The following PRLHR variants were observed in gnomAD, a reference collection of about 807,000 sequenced individuals.
PRLHR encodes prolactin-releasing peptide receptor.
Under a neutral mutation model 9.3 loss-of-function variants are expected in PRLHR, and 10 were observed. The observed-to-expected ratio is 1.08, with a 90% confidence interval of 0.66 to 1.82. The LOEUF (loss-of-function observed/expected upper bound fraction) is 1.82. Among genes scored for constraint, PRLHR ranks in the 40% most tolerant of loss-of-function variants. The pLI, the probability that PRLHR is intolerant of heterozygous loss-of-function variation, is 0.00. For missense variants in PRLHR, 589 were observed against 512.0 expected (o/e 1.15, Z -1.45); for synonymous variants, 261 against 249.3 (o/e 1.05, Z -0.44).
At chr10:118,595,338 A>C in intron 1 of PRLHR, 88 bp from the exon 2 acceptor site, 3 of 1,269,730 alleles carry the variant, frequency 2.4e-6, no homozygotes, top group Non-Finnish European at 3.2e-6. Context: ...CCATCGCCTG[A>C]GTCCTCCCTT....
chr10:118,594,859 AAC>A lies in PRLHR; in HGVS notation c.384_385del (p.Phe129ArgfsTer277). ...GACCAGGTGGCACAGGCCGCCGCCG[AAC>A]ACCCAGCCGCGTGGCTCGAAGGCAT... On this transcript the variant is annotated frameshift_variant, in exon 2 of 2. Transcript: ENST00000239032. LOFTEE classifies it low-confidence loss of function (END_TRUNC). 6.2e-7 allele frequency: 1 copy of A among 1,613,328 alleles called. No homozygotes were observed. The highest frequency in any genetic ancestry group is 1.1e-5 in the South Asian group (1 of 91,066).
chr10:118,595,624 C>G lies in PRLHR; in HGVS notation c.-115G>C, dbSNP rs1429060762. ...ACGTCGGTGATCCGGTCTCGCTTCT[C>G]CGCGGGAGCTGAACGGATCCAAATG... On this transcript the variant is annotated 5_prime_UTR_variant, in exon 1 of 2. Coordinates refer to ENST00000239032, the MANE Select transcript of PRLHR (RefSeq NM_004248.3). The G allele has an allele frequency of 5.6e-6, 1 of 178,816 alleles. No individual in the cohort carries two copies. The highest frequency in any genetic ancestry group is 1.2e-5 in the Non-Finnish European group (1 of 85,916). The allele number at this position is 178,816 out of a possible 1,614,324, so 11.1% of individuals were successfully genotyped here.
In PRLHR at chr10:118,592,012, T is replaced by A. The variant is rs553958544; in HGVS notation, c.*2120A>T. 1 of 152,180 alleles carries A rather than the reference T, an allele frequency of 6.6e-6. No homozygotes were observed. Among genetic ancestry groups the A allele is most frequent in the South Asian group, 2.1e-4 (1 of 4,812 alleles). The allele number at this position is 152,180 out of a possible 1,614,324, so 9.4% of individuals were successfully genotyped here. ...GCCCAGCCCTAGAAAGGATAATTCT[T>A]AAGGTGCTTAATCTTGGTTGCACAT... On this transcript the variant is annotated 3_prime_UTR_variant, in exon 2 of 2. Coordinates refer to ENST00000239032, the MANE Select transcript of PRLHR (RefSeq NM_004248.3).
In PRLHR at chr10:118,594,820, G is replaced by T. The variant is rs1261913285; in HGVS notation, c.425C>A (p.Pro142Gln). The change falls in exon 2 of 2, where the codon CCG (proline) becomes CAG (glutamine). Residue 142 changes from proline to glutamine, a missense_variant. Physicochemically the swap from Pro to Gln is moderately conservative, Grantham distance 76. Transcript: ENST00000239032. The stretch of plus-strand genomic sequence containing the variant: ...GAACACCGACACATAGACGGTGACC[G>T]GCTGCAGGAAGAAGACCAGGTGGCA... ...GLCHLVFFLQPVTVYVSVFTL... is the reference protein window; with the variant it reads ...GLCHLVFFLQQVTVYVSVFTL... 1.2e-6 allele frequency: 2 copies of T among 1,612,766 alleles called. No individual in the cohort carries two copies. The highest frequency in any genetic ancestry group is 1.7e-5 in the Admixed American group (1 of 59,994).
rs1486868010 is a variant in PRLHR at position 118,594,663 on chromosome 10, G to C, written c.582C>G (p.Ala194=). Reference sequence around the variant, plus strand: ...GCTCCACGTGATAGGTGTGCACGGCGGCGGGCAGCGCCAGCACCGCGGACA... The same window carrying C: ...GCTCCACGTGATAGGTGTGCACGGCCGCGGGCAGCGCCAGCACCGCGGACA... ...WALSAVLALP[A]AVHTYHVELK... is the part of the protein sequence containing the mutation. The change falls in exon 2 of 2, where the codon GCC becomes GCG. Residue 194 remains alanine (A), a synonymous_variant. Transcript: ENST00000239032. 6.3e-7 allele frequency: 1 copy of C among 1,584,962 alleles called. No individual in the cohort carries two copies. The highest frequency in any genetic ancestry group is 1.3e-5 in the African/African-American group (1 of 74,488).
In PRLHR at chr10:118,595,161, C is replaced by G. The variant is rs1346563144; in HGVS notation, c.84G>C (p.Gln28His). 6.3e-7 allele frequency: 1 copy of G among 1,590,976 alleles called. No individual in the cohort carries two copies. Among genetic ancestry groups the G allele is most frequent in the Admixed American group, 1.7e-5 (1 of 59,016 alleles). ...LPPAVTTPAN[Q>H]SAEASAGNGS... ...CGTTGCCCGCCGAGGCCTCTGCGCT[C>G]TGGTTGGCGGGAGTTGTGACCGCCG... The change falls in exon 2 of 2, where the codon CAG becomes CAC. Residue 28 changes from glutamine (Q) to histidine (H), a missense_variant. Physicochemically the swap from Gln to His is conservative, Grantham distance 24. Coordinates refer to ENST00000239032, the MANE Select transcript of PRLHR (RefSeq NM_004248.3).
chr10:118,593,879 G>T lies in PRLHR; in HGVS notation c.*253C>A. On this transcript the variant is annotated 3_prime_UTR_variant, in exon 2 of 2. Transcript: ENST00000239032. ...GTTTGTCCTTCAAGGGCATAAAGAA[G>T]AAATAAGAAATCCTCTTCCCTCTCT... 2.2e-6 allele frequency: 1 copy of T among 456,842 alleles called. No individual in the cohort carries two copies. The highest frequency in any genetic ancestry group is 3.4e-6 in the Non-Finnish European group (1 of 296,152). The allele number at this position is 456,842 out of a possible 1,614,324, so 28.3% of individuals were successfully genotyped here. A position where few individuals can be genotyped will look rare whatever the true frequency, so the allele number is the denominator to read the frequency against.
chr10:118,594,692 C>T lies in PRLHR; in HGVS notation c.553G>A (p.Ala185Thr), dbSNP rs754106879. 6.3e-7 allele frequency: 1 copy of T among 1,590,550 alleles called. No homozygotes were observed. The highest frequency in any genetic ancestry group is 8.5e-7 in the Non-Finnish European group (1 of 1,171,102). Residue 185 changes from alanine to threonine, a missense_variant, in exon 2 of 2, where the codon GCG becomes ACG. Coordinates refer to ENST00000239032, the MANE Select transcript of PRLHR (RefSeq NM_004248.3). Reference protein sequence around the residue: ...LSAYAVLAIWALSAVLALPAA... With the variant: ...LSAYAVLAIWTLSAVLALPAA... ...GGCAGCGCCAGCACCGCGGACAGCG[C>T]CCAGATGGCCAGCACAGCGTAGGCG... is the stretch of plus-strand genomic sequence containing the variant.
Position 118,594,668 on chromosome 10 carries a change from G to GCAGCGCCAGCACCGCGGA in PRLHR, c.559_576dup (p.Ser187_Leu192dup), listed in dbSNP as rs766116790. 1.9e-6 allele frequency: 3 copies of GCAGCGCCAGCACCGCGGA among 1,584,730 alleles called. No individual in the cohort carries two copies. Among genetic ancestry groups the GCAGCGCCAGCACCGCGGA allele is most frequent in the African/African-American group, 1.3e-5 (1 of 74,486 alleles). On this transcript the variant is annotated inframe_insertion, in exon 2 of 2. Coordinates refer to ENST00000239032, the MANE Select transcript of PRLHR (RefSeq NM_004248.3). ...ACGTGATAGGTGTGCACGGCGGCGG[G>GCAGCGCCAGCACCGCGGA]CAGCGCCAGCACCGCGGACAGCGCC...
intron 1 of PRLHR, 48 bp from the exon 2 acceptor site, chr10:118,595,298 C>A: frequency 6.8e-7 from 1 of 1,470,356 alleles, no homozygotes; most frequent in Non-Finnish European, 9.0e-7. Context: ...CATACTCCAT[C>A]CGACCTCCTA....
chr10:118,593,523 GTT>G lies in PRLHR; in HGVS notation c.*607_*608del, dbSNP rs1756322452. 6.6e-6 allele frequency: 1 copy of G among 152,194 alleles called. No homozygotes were observed. Among genetic ancestry groups the G allele is most frequent in the South Asian group, 2.1e-4 (1 of 4,834 alleles). 9.4% of individuals were successfully genotyped at this position (152,194 alleles called of 1,614,324 possible). A position where few individuals can be genotyped will look rare whatever the true frequency, so the allele number is the denominator to read the frequency against. ...ACCTTTCTAAAGGGAGCTTGTAGGT[GTT>G]TTTGTACTATAAACTCAAGTGGTTT... On this transcript the variant is annotated 3_prime_UTR_variant, in exon 2 of 2. Transcript: ENST00000239032.
In PRLHR at chr10:118,594,806, C is replaced by T; in HGVS notation, c.439G>A (p.Val147Met). The change falls in exon 2 of 2, where the codon GTG (valine) becomes ATG (methionine). Residue 147 changes from valine to methionine, a missense_variant. Val to Met is a conservative substitution (Grantham distance 21). Coordinates refer to ENST00000239032, the MANE Select transcript of PRLHR (RefSeq NM_004248.3). ...VFFLQPVTVY[V>M]SVFTLTTIAV... is the part of the protein sequence containing the mutation. ...ATGGTGGTGAGCGTGAACACCGACA[C>T]ATAGACGGTGACCGGCTGCAGGAAG... 2 of 1,612,712 alleles carry T rather than the reference C, an allele frequency of 1.2e-6. No homozygotes were observed. Among genetic ancestry groups the T allele is most frequent in the Non-Finnish European group, 1.7e-6 (2 of 1,179,868 alleles).
chr10:118,594,044 C>A lies in PRLHR; in HGVS notation c.*88G>T. 6.8e-7 allele frequency: 1 copy of A among 1,480,408 alleles called. No individual in the cohort carries two copies. The highest frequency in any genetic ancestry group is 9.0e-7 in the Non-Finnish European group (1 of 1,114,844). The allele number at this position is 1,480,408 out of a possible 1,614,324, so 91.7% of individuals were successfully genotyped here. A position where few individuals can be genotyped will look rare whatever the true frequency, so the allele number is the denominator to read the frequency against. On this transcript the variant is annotated 3_prime_UTR_variant, in exon 2 of 2. Transcript: ENST00000239032. ...TATGTTGGCTTAGCTAGCTCTGGTG[C>A]TGAGAATAAGCACCAGATTGACCTC...
In PRLHR at chr10:118,594,419, T is replaced by TGCGCCG. The variant is rs773283859; in HGVS notation, c.820_825dup (p.Arg274_Arg275dup). The stretch of plus-strand genomic sequence containing the variant: ...ACGATCACCACCAGCAAGCAGAAGG[T>TGCGCCG]GCGCCGGCGCCGAGCGCGGTCCCAG... On this transcript the variant is annotated inframe_insertion, in exon 2 of 2. Transcript: ENST00000239032. 3 of 1,599,846 alleles carry TGCGCCG rather than the reference T, an allele frequency of 1.9e-6. No homozygotes were observed. Among genetic ancestry groups the TGCGCCG allele is most frequent in the East Asian group, 2.2e-5 (1 of 44,740 alleles).
rs1357469404 is a variant in PRLHR, at chr10:118,594,580, C to G, written c.665G>C (p.Arg222Pro). Residue 222 changes from arginine to proline, a missense_variant, in exon 2 of 2, where the codon CGC becomes CCC. Transcript: ENST00000239032. ...CAGCAGCCCCCAGGCGTAGAGCTGG[C>G]GCTGGCGCTCCTGGGAGCCCCAGAA... ...EEFWGSQERQRQLYAWGLLLV... is the reference protein window; with the variant it reads ...EEFWGSQERQPQLYAWGLLLV... 1 of 1,557,706 alleles carries G rather than the reference C, an allele frequency of 6.4e-7. No homozygotes were observed. Among genetic ancestry groups the G allele is most frequent in the Non-Finnish European group, 8.7e-7 (1 of 1,151,200 alleles).
intron 1 of PRLHR, 81 bp from the exon 2 acceptor site, chr10:118,595,331 TCGC>T (rs1844485984): frequency 1.5e-6 from 2 of 1,298,850 alleles, no homozygotes; most frequent in Non-Finnish European, 2.1e-6. Context: ...CCCTCCCCCA[TCGC>T]CTGAGTCCTC....
At position 118,591,105 on chromosome 10, in the gene PRLHR, TG is replaced by T. The variant is rs1844428553; in HGVS notation, c.*3026del. 1 of 146,298 alleles carries T rather than the reference TG, an allele frequency of 6.8e-6. No homozygotes were observed. The highest frequency in any genetic ancestry group is 1.5e-5 in the Non-Finnish European group (1 of 66,818). 9.1% of individuals were successfully genotyped at this position (146,298 alleles called of 1,614,324 possible). On this transcript the variant is annotated 3_prime_UTR_variant, in exon 2 of 2. Transcript: ENST00000239032. ...GTTTTTTGTTGTTTTTTGTTGTTTT[TG>T]TTTTTTTTGTTTTTTTGAGACTAGA...
rs1564810357 is a variant in PRLHR at position 118,591,314 on chromosome 10, G to A, written c.*2818C>T. The stretch of plus-strand genomic sequence containing the variant: ...GAGTTTTGCCATATTTCCCAGGCTG[G>A]TCTTGAACTCCTGGGCTCAAGCAAT... On this transcript the variant is annotated 3_prime_UTR_variant, in exon 2 of 2. Transcript: ENST00000239032. The A allele has an allele frequency of 6.6e-6, 1 of 152,040 alleles. No homozygotes were observed. Among genetic ancestry groups the A allele is most frequent in the East Asian group, 1.9e-4 (1 of 5,186 alleles). The allele number at this position is 152,040 out of a possible 1,614,324, so 9.4% of individuals were successfully genotyped here.
rs747964393 is a variant in PRLHR, at chr10:118,594,616, A to G, written c.629T>C (p.Leu210Pro). The G allele has an allele frequency of 1.1e-5, 18 of 1,575,314 alleles. No homozygotes were observed. The highest frequency in any genetic ancestry group is 1.8e-5 in the Admixed American group (1 of 55,424). ...CTGGGAGCCCCAGAACTCCTCGCAG[A>G]GGCGCACGTCGTGCGGCTTGAGCTC... The part of the protein sequence containing the change: ...HVELKPHDVR[L>P]CEEFWGSQER... The change falls in exon 2 of 2, where the codon CTC becomes CCC. Residue 210 changes from leucine to proline, a missense_variant. Physicochemically the swap from Leu to Pro is moderately conservative, Grantham distance 98. Transcript: ENST00000239032.
Sources: allele counts gnomAD v4.1 joint callset, GRCh38; gene constraint gnomAD v4.1.1; transcripts MANE v1.5; gene names NCBI Gene and HGNC (gene_info 2026-07-23, HGNC 2026-07-21).